ITGA1: variants seen among roughly 807,000 people sequenced by gnomAD.
ITGA1 encodes integrin subunit alpha 1.
A neutral mutation model predicts 145.9 loss-of-function variants in ITGA1; 85 were observed. The ratio of observed to expected loss-of-function variants is 0.58; its 90% CI spans 0.49 to 0.70. The LOEUF (loss-of-function observed/expected upper bound fraction) is 0.70. Ranked by LOEUF, ITGA1 falls within the 30% of genes least tolerant of loss-of-function variation. The pLI is 0.00. For missense variants in ITGA1, 1,351 were observed against 1,418.7 expected (o/e 0.95, Z 0.77); for synonymous variants, 520 against 495.3 (o/e 1.05, Z -0.66).
rs1437103126 is a variant in ITGA1, at chr5:52,956,682, GATTT to G, written c.*4233_*4236del. On this transcript the variant is annotated 3_prime_UTR_variant, in exon 29 of 29. Coordinates refer to ENST00000282588, the MANE Select transcript of ITGA1 (RefSeq NM_181501.2). ...CAACTACGCCTGGGGAAGCTAGCAGGATTTAGCTCTTCAATGGCCCTCCAAATGC... is the reference window on the plus strand; with the variant it reads ...CAACTACGCCTGGGGAAGCTAGCAGGAGCTCTTCAATGGCCCTCCAAATGC... The G allele has an allele frequency of 6.6e-6, 1 of 152,184 alleles. No homozygotes were observed. The highest frequency in any genetic ancestry group is 1.9e-4 in the East Asian group (1 of 5,190). The allele number at this position is 152,184 out of a possible 1,614,324, so 9.4% of individuals were successfully genotyped here.
At chr5:52,840,846 C>T (rs1160554871) in intron 1 of ITGA1, among the ~76,000 whole-genome samples, 1 of 152,154 alleles carries the variant, frequency 6.6e-6, no homozygotes, top group Non-Finnish European at 1.5e-5. Context: ...TTTATTCCAT[C>T]CTGTCCCATT....
intron 12 of ITGA1, 47 bp from the exon 13 acceptor site, chr5:52,908,851 G>A (rs1364010234): frequency 5.6e-6 from 9 of 1,598,234 alleles, no homozygotes; most frequent in South Asian, 1.1e-5. Context: ...GTTTCCTTGA[G>A]AATTTCTGTT....
intron 1 of ITGA1, among the ~76,000 whole-genome samples, chr5:52,810,367 A>G (rs1218215470): frequency 6.6e-6 from 1 of 152,250 alleles, no homozygotes. Context: ...TTTATATTCA[A>G]CATTTTATCT....
rs750704096 is a variant in ITGA1, at chr5:52,939,797, A to C, written c.3181-43A>C. ...AGAATTTAAATATAGATATTTGATAAAACGGCAAGAATACTGATATGTATC... is the reference window on the plus strand; with the variant it reads ...AGAATTTAAATATAGATATTTGATACAACGGCAAGAATACTGATATGTATC... On this transcript the variant is annotated intron_variant, in intron 25 of 28. Coordinates refer to ENST00000282588, the MANE Select transcript of ITGA1 (RefSeq NM_181501.2). 3.4e-6 allele frequency: 5 copies of C among 1,456,964 alleles called. No homozygotes were observed. The Admixed American group carries it at 8.4e-5, about 25-fold the overall frequency. 90.3% of individuals were successfully genotyped at this position (1,456,964 alleles called of 1,614,324 possible).
rs1421688326 is a variant in ITGA1 at position 52,911,902 on chromosome 5, T to C, written c.1857+1483T>C. On this transcript the variant is annotated intron_variant, in intron 14 of 28. Transcript: ENST00000282588. ...TACACTATATATAGCATATCTAATA[T>C]ATAGATATATATATTATATATATAG... Among the ~76,000 whole-genome samples, 8 of 114,820 alleles carry C rather than the reference T, an allele frequency of 7.0e-5. No homozygotes were observed. The East Asian group carries it at 1.6e-3, about 23-fold the overall frequency. The allele number at this position is 114,820 out of a possible 152,430, so 75.3% of individuals were successfully genotyped here. A position where few individuals can be genotyped will look rare whatever the true frequency, so the allele number is the denominator to read the frequency against.
intron 8 of ITGA1, 101 bp from the exon 9 acceptor site, chr5:52,893,574 C>T: frequency 9.8e-7 from 1 of 1,015,776 alleles, no homozygotes; most frequent in Non-Finnish European, 1.4e-6. Flanking sequence ...TTCCATTATG[C>T]TAAGGTACTC....
intron 13 of ITGA1, among the ~76,000 whole-genome samples, chr5:52,909,858 G>GA (rs1055218471): frequency 6.6e-6 from 1 of 151,692 alleles, no homozygotes; most frequent in African/African-American, 2.4e-5. Flanking sequence ...AATATTGGGT[G>GA]AAGAAGGGAT....
chr5:52,937,361 A>G (rs1461750311), intron 23 of ITGA1, 40 bp from the exon 24 acceptor site: 4 of 1,307,938 alleles, frequency 3.1e-6, no homozygotes, highest in Non-Finnish European at 4.4e-6. Flanking sequence ...AATTCTATTA[A>G]AAGAGGAAGA....
At chr5:52,892,091 G>A (rs1750160957) in intron 8 of ITGA1, among the ~76,000 whole-genome samples, 1 of 151,998 alleles carries the variant, frequency 6.6e-6, no homozygotes, top group African/African-American at 2.4e-5. Context: ...ACACATAAAG[G>A]ACTTGCATCC....
rs372930479 is a variant in ITGA1 at position 52,856,804 on chromosome 5, G to C, written c.183-4643G>C. Among the ~76,000 whole-genome samples, 194 of 152,232 alleles carry C rather than the reference G, an allele frequency of 1.3e-3. 2 individuals carry two copies. The South Asian group carries it at 0.017, about 13-fold the overall frequency. ...TTCCAATACTTAGTCACTTAAAGCA[G>C]CAATGGTCTATAAATTCTCAAGATT... On this transcript the variant is annotated intron_variant, in intron 2 of 28. Transcript: ENST00000282588.
In ITGA1 at chr5:52,908,915, C is replaced by G; in HGVS notation, c.1473C>G (p.Gly491=). ...LSGEQIGSYF[G]SILTTTDIDK... is the part of the protein sequence containing the mutation. ...TGTCCTAGATTGGTTCCTACTTTGG[C>G]AGTATTTTAACAACAACTGACATTG... is the stretch of plus-strand genomic sequence containing the variant. Residue 491 remains glycine, a synonymous_variant, in exon 13 of 29, where the codon GGC becomes GGG. Coordinates refer to ENST00000282588, the MANE Select transcript of ITGA1 (RefSeq NM_181501.2). 1 of 1,613,716 alleles carries G rather than the reference C, an allele frequency of 6.2e-7. No individual in the cohort carries two copies. Among genetic ancestry groups the G allele is most frequent in the Non-Finnish European group, 8.5e-7 (1 of 1,179,778 alleles).
intron 6 of ITGA1, among the ~76,000 whole-genome samples, chr5:52,870,810 G>A (rs934526566): frequency 1.3e-4 from 20 of 152,200 alleles, no homozygotes; most frequent in Non-Finnish European, 2.6e-4. Flanking sequence ...GAATGCAGAA[G>A]ATCTCTGTAA....
In ITGA1 at chr5:52,936,518, C is replaced by T. The variant is rs78080390; in HGVS notation, c.2965-883C>T. On this transcript the variant is annotated intron_variant, in intron 23 of 28. Coordinates refer to ENST00000282588, the MANE Select transcript of ITGA1 (RefSeq NM_181501.2). ...TTTCCTTGGGTCTATCTATGTAGAT[C>T]AAGGCGTTCCCTACCCAGCTAAAGA... 0.01 allele frequency among the ~76,000 whole-genome samples: 1,543 copies of T among 152,276 alleles called. 74 individuals are homozygous for T. In the East Asian group the frequency reaches 0.15, roughly 15 times the overall value.
chr5:52,908,812 T>G, intron 12 of ITGA1, 86 bp from the exon 13 acceptor site: 2 of 1,429,492 alleles, frequency 1.4e-6, no homozygotes, highest in Non-Finnish European at 9.7e-7. Flanking sequence ...TCTTCTAGAT[T>G]GCTAGAAGTA....
chr5:52,924,753 T>C (rs1477958016), intron 18 of ITGA1, among the ~76,000 whole-genome samples: 1 of 151,906 alleles, frequency 6.6e-6, no homozygotes. Flanking sequence ...CAAGAAAGGA[T>C]TGGAGAGATA....
chr5:52,809,502 C>CTTTT (rs59067853), intron 1 of ITGA1, among the ~76,000 whole-genome samples: 1 of 122,406 alleles, frequency 8.2e-6, no homozygotes. Flanking sequence ...CTCAACTTTA[C>CTTTT]TTTTTTTTTT....
chr5:52,891,624 A>AT (rs931958578), intron 8 of ITGA1, among the ~76,000 whole-genome samples: 5 of 151,030 alleles, frequency 3.3e-5, no homozygotes, highest in African/African-American at 1.2e-4. Context: ...GTAAAAACTA[A>AT]TTTTTTTATT....
chr5:52,878,929 A>C lies in ITGA1; in HGVS notation c.625-2944A>C, dbSNP rs1267718981. Among the ~76,000 whole-genome samples, 3 of 150,440 alleles carry C rather than the reference A, an allele frequency of 2.0e-5. No homozygotes were observed. The Admixed American group carries it at 2.0e-4, about 10-fold the overall frequency. Reference sequence around the variant, plus strand: ...TAAATGTTTGCAAATAAATGATTATAGTCATTGGACCATGGAATCTAGTCT... The same window carrying C: ...TAAATGTTTGCAAATAAATGATTATCGTCATTGGACCATGGAATCTAGTCT... On this transcript the variant is annotated intron_variant, in intron 6 of 28. Transcript: ENST00000282588.
In ITGA1 at chr5:52,956,635, A is replaced by C. The variant is rs1257904955; in HGVS notation, c.*4184A>C. ...CTGGAACATCTTTAAGACATTTACA[A>C]ACTGTTATGGGACACTATCAGCAAC... On this transcript the variant is annotated 3_prime_UTR_variant, in exon 29 of 29. Coordinates refer to ENST00000282588, the MANE Select transcript of ITGA1 (RefSeq NM_181501.2). 1 of 152,238 alleles carries C rather than the reference A, an allele frequency of 6.6e-6. No individual in the cohort carries two copies. The highest frequency in any genetic ancestry group is 1.9e-4 in the East Asian group (1 of 5,192). 9.4% of individuals were successfully genotyped at this position (152,238 alleles called of 1,614,324 possible).
Sources: gnomAD v4.1 joint callset for allele counts (sites outside exome capture counted in the v4.1 genomes callset) on GRCh38, gnomAD v4.1.1 for gene constraint, MANE v1.5 for transcripts, NCBI Gene and HGNC (gene_info 2026-07-23, HGNC 2026-07-21) for gene names.